MTSS1: variants seen among roughly 807,000 people sequenced by gnomAD.
MTSS1 encodes MTSS I-BAR domain containing 1.
MTSS1 carries 18 observed loss-of-function variants against 79.0 expected under a neutral mutation model. The ratio of observed to expected loss-of-function variants is 0.23; its 90% CI spans 0.16 to 0.34. The LOEUF (loss-of-function observed/expected upper bound fraction) is 0.34, where lower values mean the gene tolerates loss of function less well. Among genes scored for constraint, MTSS1 ranks in the 10% least tolerant of loss-of-function variants. The pLI, the probability that MTSS1 is intolerant of heterozygous loss-of-function variation, is 1.00. For missense variants in MTSS1, 815 were observed against 986.2 expected (o/e 0.83, Z 2.33); for synonymous variants, 341 against 368.6 (o/e 0.93, Z 0.86).
chr8:124,660,472 A>ACACACC (rs60473926), intron 3 of MTSS1, among the ~76,000 whole-genome samples: 7 of 143,598 alleles, frequency 4.9e-5, no homozygotes, highest in Admixed American at 4.1e-4. Flanking sequence ...ACACACACAC[A>ACACACC]CCCTCAAGCT....
chr8:124,678,740 T>G (rs551573350), intron 3 of MTSS1, among the ~76,000 whole-genome samples: 1 of 152,328 alleles, frequency 6.6e-6, no homozygotes, highest in Non-Finnish European at 1.5e-5. Context: ...CCTATCAGCC[T>G]GGTAGGCCCT....
intron 3 of MTSS1, among the ~76,000 whole-genome samples, chr8:124,605,338 G>A (rs756360107): frequency 2.0e-5 from 3 of 152,178 alleles, no homozygotes; most frequent in Non-Finnish European, 2.9e-5. Context: ...TTTAACTGTC[G>A]GGTAGATAAG....
intron 1 of MTSS1, among the ~76,000 whole-genome samples, chr8:124,712,464 T>C (rs1831312189): frequency 6.6e-6 from 1 of 152,188 alleles, no homozygotes; most frequent in Non-Finnish European, 1.5e-5. Flanking sequence ...GAGGCAAGAA[T>C]CCGCTCAGCT....
chr8:124,665,378 T>A (rs1822868055), intron 3 of MTSS1, among the ~76,000 whole-genome samples: 1 of 152,220 alleles, frequency 6.6e-6, no homozygotes, highest in East Asian at 1.9e-4. Flanking sequence ...TTCGTAACAT[T>A]TCATCCACAG....
intron 1 of MTSS1, among the ~76,000 whole-genome samples, chr8:124,718,488 T>G (rs2135748604): frequency 6.6e-6 from 1 of 152,150 alleles, no homozygotes; most frequent in East Asian, 1.9e-4. Flanking sequence ...GGGTGCCTCA[T>G]CCAATTATTC....
At chr8:124,667,411 G>A (rs1254655863) in intron 3 of MTSS1, among the ~76,000 whole-genome samples, 1 of 152,166 alleles carries the variant, frequency 6.6e-6, no homozygotes, top group Non-Finnish European at 1.5e-5. Flanking sequence ...TCGGGAGGCC[G>A]AGGCGGGTGG....
At chr8:124,720,572 G>A (rs1832762100) in intron 1 of MTSS1, among the ~76,000 whole-genome samples, 2 of 152,212 alleles carry the variant, frequency 1.3e-5, no homozygotes, top group African/African-American at 4.8e-5. Flanking sequence ...AGTAGGGTTT[G>A]CAAATACAGA....
At chr8:124,643,029 G>C (rs1038702079) in intron 3 of MTSS1, among the ~76,000 whole-genome samples, 6 of 152,166 alleles carry the variant, frequency 3.9e-5, no homozygotes, top group Non-Finnish European at 1.5e-5. Context: ...TCAATCCATG[G>C]TAGCTGCTAT....
intron 3 of MTSS1, among the ~76,000 whole-genome samples, chr8:124,601,825 C>T (rs956043883): frequency 2.6e-5 from 4 of 152,204 alleles, no homozygotes; most frequent in Non-Finnish European, 5.9e-5. Flanking sequence ...CAGACTTGAC[C>T]ATGAAGCTGG....
intron 3 of MTSS1, among the ~76,000 whole-genome samples, chr8:124,684,043 T>C (rs10102716): frequency 0.017 from 2,603 of 152,308 alleles, 74 homozygotes; most frequent in African/African-American, 0.059. Context: ...GGCCAAAACT[T>C]GGAGATTGCA....
intron 3 of MTSS1, among the ~76,000 whole-genome samples, chr8:124,684,577 G>T (rs1826650647): frequency 6.6e-6 from 1 of 152,124 alleles, no homozygotes; most frequent in Admixed American, 6.5e-5. Flanking sequence ...AACATCATAA[G>T]AAAAGGCATA....
At chr8:124,699,444 C>A (rs1197041673) in intron 3 of MTSS1, 82 bp downstream of exon 3, 2 of 1,257,854 alleles carry the variant, frequency 1.6e-6, no homozygotes, top group African/African-American at 1.5e-5. Context: ...ACTTAAGCTG[C>A]ATCTTCTTGT....
At chr8:124,713,464 T>C (rs972680841) in intron 1 of MTSS1, among the ~76,000 whole-genome samples, 4 of 152,198 alleles carry the variant, frequency 2.6e-5, no homozygotes, top group Admixed American at 1.3e-4. Context: ...GCTCTGTCAC[T>C]CAGGCTGGAG....
intron 6 of MTSS1, among the ~76,000 whole-genome samples, chr8:124,579,261 T>C (rs533343324): frequency 6.6e-6 from 1 of 152,330 alleles, no homozygotes; most frequent in South Asian, 2.1e-4. Flanking sequence ...CTCAAAAGGC[T>C]GTGTACTACA....
At chr8:124,605,122 TGGGGGTGTCACCTG>T (rs1459278119) in intron 3 of MTSS1, among the ~76,000 whole-genome samples, 4 of 152,180 alleles carry the variant, frequency 2.6e-5, no homozygotes, top group African/African-American at 7.2e-5. Context: ...CAACACCCTG[TGGGGGTGTCACCTG>T]GGAAATGCCA....
chr8:124,680,477 G>A (rs1825952923), intron 3 of MTSS1, among the ~76,000 whole-genome samples: 1 of 152,196 alleles, frequency 6.6e-6, no homozygotes, highest in Non-Finnish European at 1.5e-5. Flanking sequence ...AGCACACTTG[G>A]AGGGGCATTA....
At chr8:124,719,587 G>A (rs760063456) in intron 1 of MTSS1, among the ~76,000 whole-genome samples, 1 of 152,208 alleles carries the variant, frequency 6.6e-6, no homozygotes, top group Non-Finnish European at 1.5e-5. Flanking sequence ...CCACCCCCCA[G>A]CAGCACCTGA....
rs559463526 is a variant in MTSS1 at position 124,589,720 on chromosome 8, A to C, written c.294-9T>G. On this transcript the variant is annotated splice_polypyrimidine_tract_variant and intron_variant, in intron 4 of 13. Transcript: ENST00000518547. ...GACAATCAATTAAAGCGCTTTTACC[A>C]AGCGGGGGGGAAAAAGGGAGAAATT... is the stretch of plus-strand genomic sequence containing the variant. 8.2e-6 allele frequency: 13 copies of C among 1,580,968 alleles called. No homozygotes were observed. The highest frequency in any genetic ancestry group is 1.1e-5 in the Non-Finnish European group (13 of 1,153,808).
chr8:124,581,755 A>C (rs1052762662), intron 6 of MTSS1, among the ~76,000 whole-genome samples: 1 of 152,212 alleles, frequency 6.6e-6, no homozygotes, highest in African/African-American at 2.4e-5. Flanking sequence ...CGCACAGCCC[A>C]GAATTAATTT....
Sources: gnomAD v4.1 joint callset for allele counts (sites outside exome capture counted in the v4.1 genomes callset) on GRCh38, gnomAD v4.1.1 for gene constraint, MANE v1.5 for transcripts, NCBI Gene and HGNC (gene_info 2026-07-23, HGNC 2026-07-21) for gene names.